The following HECTD4 variants were observed in gnomAD, a reference collection of about 807,000 sequenced individuals.
The protein encoded by HECTD4 is HECT domain E3 ubiquitin protein ligase 4.
In HECTD4, 114 loss-of-function variants were observed where a neutral mutation model predicts 471.5. That is an observed-to-expected ratio of 0.24 (90% CI 0.21 to 0.28). HECTD4 has a LOEUF of 0.28. Among genes scored for constraint, HECTD4 ranks in the 10% least tolerant of loss-of-function variants. The pLI is 1.00. For synonymous variants in HECTD4, 2,012 were observed against 2,256.0 expected (o/e 0.89, Z 3.07); for missense variants, 3,866 against 5,651.5 (o/e 0.68, Z 10.13).
intron 7 of HECTD4, among the ~76,000 whole-genome samples, chr12:112,294,913 G>A (rs770654316): frequency 4.6e-5 from 7 of 152,122 alleles, no homozygotes; most frequent in African/African-American, 7.2e-5. Flanking sequence ...TGCCTTCCCC[G>A]GGGAAACCAA....
chr12:112,310,977 T>A (rs1292661324), intron 4 of HECTD4, among the ~76,000 whole-genome samples: 1 of 152,162 alleles, frequency 6.6e-6, no homozygotes, highest in Non-Finnish European at 1.5e-5. Context: ...AAAGTTACAC[T>A]GTGGCCAGGC....
chr12:112,200,195 C>G (rs1661167387), intron 55 of HECTD4, among the ~76,000 whole-genome samples: 1 of 151,662 alleles, frequency 6.6e-6, no homozygotes, highest in Non-Finnish European at 1.5e-5. Context: ...CCTTTGTCAC[C>G]CGGGTTGGAG....
At chr12:112,238,149 C>A (rs2033558805) in intron 34 of HECTD4, among the ~76,000 whole-genome samples, 1 of 152,046 alleles carries the variant, frequency 6.6e-6, no homozygotes, top group African/African-American at 2.4e-5. Flanking sequence ...GCATCGTGAA[C>A]AAATAAACAG....
rs372998230 is a variant in HECTD4, at chr12:112,179,197, C to T, written c.11188G>A (p.Val3730Met). 1.2e-6 allele frequency: 2 copies of T among 1,613,848 alleles called. No individual in the cohort carries two copies. Among genetic ancestry groups the T allele is most frequent in the Non-Finnish European group, 1.7e-6 (2 of 1,179,846 alleles). The change falls in exon 63 of 76, where the codon GTG becomes ATG. Residue 3730 changes from valine to methionine, a missense_variant. This residue lies in a region of HECTD4 where 715 missense variants were observed against 1,087.6 expected (regional missense o/e 0.66). Transcript: ENST00000682272. This position sits in a 1 kb window ranked among gnomAD's most constrained non-coding sequence, Gnocchi z 4.3. ...FFTNVRPPKK[V>M]LEDQLTQILR... ...ACCTGGGTGAGCTGATCCTCCAGCA[C>T]CTTTTTTGGCGGCCGGACATTGGTG...
chr12:112,273,044 T>C (rs1321590492), intron 11 of HECTD4, among the ~76,000 whole-genome samples: 3 of 152,116 alleles, frequency 2.0e-5, no homozygotes, highest in African/African-American at 4.8e-5. Flanking sequence ...AAGTTCAAGG[T>C]TTTTTAAAAT....
chr12:112,358,902 G>A (rs573920835), intron 1 of HECTD4, among the ~76,000 whole-genome samples: 20 of 152,168 alleles, frequency 1.3e-4, no homozygotes, highest in South Asian at 4.1e-4. Flanking sequence ...CCGGCCGGGC[G>A]CGGTGGCTCA....
At chr12:112,168,693 G>C (rs1274528972) in intron 70 of HECTD4, among the ~76,000 whole-genome samples, 1 of 152,210 alleles carries the variant, frequency 6.6e-6, no homozygotes, top group African/African-American at 2.4e-5. Context: ...CCAGGGGCCT[G>C]GACCCTGGAA....
At chr12:112,212,981 A>C (rs2032808763) in intron 48 of HECTD4, among the ~76,000 whole-genome samples, 1 of 152,152 alleles carries the variant, frequency 6.6e-6, no homozygotes, top group Non-Finnish European at 1.5e-5. Context: ...TTTTTAGTAG[A>C]GACAGGGTTT....
At position 112,333,990 on chromosome 12, in the gene HECTD4, C is replaced by T. The variant is rs11066261; in HGVS notation, c.178-14248G>A. Among the ~76,000 whole-genome samples the T allele has an allele frequency of 0.055, 8,408 of 151,984 alleles. 1,281 individuals are homozygous for T. In the East Asian group the frequency reaches 0.61, roughly 11 times the overall value. On this transcript the variant is annotated intron_variant, in intron 1 of 75. Coordinates refer to ENST00000682272, the MANE Select transcript of HECTD4 (RefSeq NM_001388303.1). ...TTGGGACCCCAAGGTGGGTGGATCA[C>T]CTGAGGTCAAGAGTTCAATACCAGC...
chr12:112,175,866 G>A lies in HECTD4; in HGVS notation c.11471-7C>T, dbSNP rs1227667316. Reference sequence around the variant, plus strand: ...AGGTATTTTTCCTCAGGGACTGGTGGAAAGGGTTCAGTGTGAGGAATCTGG... The same window carrying A: ...AGGTATTTTTCCTCAGGGACTGGTGAAAAGGGTTCAGTGTGAGGAATCTGG... On this transcript the variant is annotated splice_polypyrimidine_tract_variant and splice_region_variant and intron_variant, in intron 65 of 75. Transcript: ENST00000682272. 6.2e-7 allele frequency: 1 copy of A among 1,613,044 alleles called. No homozygotes were observed. Among genetic ancestry groups the A allele is most frequent in the Non-Finnish European group, 8.5e-7 (1 of 1,179,612 alleles).
At position 112,236,976 on chromosome 12, in the gene HECTD4, C is replaced by T; in HGVS notation, c.5413G>A (p.Asp1805Asn). ...NQAAGNDALQ[D>N]VLSLLNDLSR... ...AGATCATTGAGAAGACTAAGGACAT[C>T]CTGGAGCGCGTCATTCCCAGCAGCC... Residue 1805 changes from aspartate to asparagine, a missense_variant, in exon 35 of 76, where the codon GAT becomes AAT. Asp to Asn is a conservative substitution (Grantham distance 23, BLOSUM62 1). Transcript: ENST00000682272. 6.2e-7 allele frequency: 1 copy of T among 1,612,846 alleles called. No individual in the cohort carries two copies. Among genetic ancestry groups the T allele is most frequent in the Non-Finnish European group, 8.5e-7 (1 of 1,179,524 alleles).
intron 7 of HECTD4, among the ~76,000 whole-genome samples, chr12:112,286,370 G>C (rs1194498488): frequency 6.6e-6 from 1 of 152,140 alleles, no homozygotes; most frequent in Non-Finnish European, 1.5e-5. Flanking sequence ...CATAGCCAGT[G>C]ATCATTTAAA....
chr12:112,183,021 C>T (rs376745014), intron 62 of HECTD4, 38 bp downstream of exon 62: 2 of 1,506,008 alleles, frequency 1.3e-6, no homozygotes, highest in East Asian at 2.3e-5. Flanking sequence ...AATTGCTCCA[C>T]AAAAAGTCTA....
intron 1 of HECTD4, among the ~76,000 whole-genome samples, chr12:112,375,126 G>A (rs1483939744): frequency 6.6e-6 from 1 of 152,154 alleles, no homozygotes; most frequent in Non-Finnish European, 1.5e-5. Flanking sequence ...AGATTAGTCT[G>A]CATTTCTAGA....
chr12:112,313,961 T>G (rs1594036110), intron 3 of HECTD4, among the ~76,000 whole-genome samples: 2 of 152,202 alleles, frequency 1.3e-5, no homozygotes, highest in African/African-American at 4.8e-5. Flanking sequence ...GTAATGAGAT[T>G]ATGAATGATT....
intron 1 of HECTD4, among the ~76,000 whole-genome samples, chr12:112,352,826 C>T (rs970911071): frequency 2.0e-5 from 3 of 152,056 alleles, no homozygotes; most frequent in African/African-American, 7.2e-5. Flanking sequence ...GGGCTGGTCT[C>T]GAACTCCAGG....
chr12:112,270,357 G>A lies in HECTD4; in HGVS notation c.2045C>T (p.Pro682Leu), dbSNP rs2034388122. The A allele has an allele frequency of 6.2e-7, 1 of 1,613,900 alleles. No homozygotes were observed. Among genetic ancestry groups the A allele is most frequent in the Non-Finnish European group, 8.5e-7 (1 of 1,179,902 alleles). The change falls in exon 12 of 76, where the codon CCA becomes CTA. Residue 682 changes from proline (P) to leucine (L), a missense_variant. Physicochemically the swap from Pro to Leu is moderately conservative, Grantham distance 98. Transcript: ENST00000682272. ...LNLLATNPNL[P>L]ITSVLGKQHP... is the part of the protein sequence containing the mutation. ...CTGCTTGCCCAAGACACTTGTGATT[G>A]GAAGATTGGGGTTGGTGGCAAGAAG...
At chr12:112,181,186 G>A (rs2031656600) in intron 62 of HECTD4, among the ~76,000 whole-genome samples, 1 of 151,280 alleles carries the variant, frequency 6.6e-6, no homozygotes, top group Admixed American at 6.6e-5. Context: ...AAAAATTAAC[G>A]TAAAAAAACC....
At position 112,193,077 on chromosome 12, in the gene HECTD4, A is replaced by G. The variant is rs2032136686; in HGVS notation, c.9070T>C (p.Ser3024Pro). 8 of 1,614,004 alleles carry G rather than the reference A, an allele frequency of 5.0e-6. No individual in the cohort carries two copies. Among genetic ancestry groups the G allele is most frequent in the Non-Finnish European group, 6.8e-6 (8 of 1,179,906 alleles). Residue 3024 changes from serine to proline, a missense_variant, in exon 58 of 76, where the codon TCT becomes CCT. Transcript: ENST00000682272. This position sits in a 1 kb window ranked among gnomAD's most constrained non-coding sequence, Gnocchi z 5.2. ...FVVVSCKESQSGFRKDSSLYK... is the reference protein window; with the variant it reads ...FVVVSCKESQPGFRKDSSLYK... ...GCAACTTACTCTTTGCGGAATCCAG[A>G]TTGACTTTCTTTACAAGACACAACA...
Sources: gnomAD v4.1 joint callset for allele counts (sites outside exome capture counted in the v4.1 genomes callset) on GRCh38, gnomAD v4.1.1 for gene constraint, gnomAD v4.1.1 regional missense constraint, Gnocchi (gnomAD v3.1) non-coding constraint, MANE v1.5 for transcripts, NCBI Gene and HGNC (gene_info 2026-07-23, HGNC 2026-07-21) for gene names.